The following SORD variants were observed in gnomAD, a reference collection of about 807,000 sequenced individuals.
SORD encodes the protein sorbitol dehydrogenase, also known as (R,R)-butanediol dehydrogenase.
SORD carries 18 observed loss-of-function variants against 35.6 expected under a neutral mutation model. That is an observed-to-expected ratio of 0.51 (90% confidence interval 0.35 to 0.75). The LOEUF is 0.75. SORD is among the 30% of genes least tolerant of loss of function. The pLI is 0.01. For synonymous variants in SORD, 106 were observed against 152.9 expected (o/e 0.69, Z 2.26); for missense variants, 250 against 390.2 (o/e 0.64, Z 3.03).
chr15:45,027,413 A>C (rs1341535070), intron 1 of SORD, among the ~76,000 whole-genome samples: 1 of 152,256 alleles, frequency 6.6e-6, no homozygotes, highest in African/African-American at 2.4e-5. Context: ...GGTAGTATTC[A>C]TCTTTGGTTG....
intron 4 of SORD, 138 bp from the exon 5 acceptor site, chr15:45,065,133 G>T: frequency 4.2e-6 from 3 of 709,688 alleles, no homozygotes; most frequent in Non-Finnish European, 7.3e-6. Context: ...AAATTGCTTA[G>T]CACATTGCTC....
chr15:45,061,629 A>G (rs1893309670), intron 4 of SORD, among the ~76,000 whole-genome samples: 1 of 151,924 alleles, frequency 6.6e-6, no homozygotes, highest in South Asian at 2.1e-4. Context: ...GCACTTTAGG[A>G]GGCCAAGGCC....
At chr15:45,062,524 T>C (rs1464561297) in intron 4 of SORD, among the ~76,000 whole-genome samples, 1 of 151,822 alleles carries the variant, frequency 6.6e-6, no homozygotes, top group East Asian at 1.9e-4. Flanking sequence ...CAGGTGCCAG[T>C]CACAGGAGCA....
intron 1 of SORD, among the ~76,000 whole-genome samples, chr15:45,025,986 AGAG>A (rs1892662071): frequency 6.6e-6 from 1 of 152,206 alleles, no homozygotes; most frequent in Non-Finnish European, 1.5e-5. Context: ...GAAGGAAAGA[AGAG>A]GAGGACATTA....
At chr15:45,025,797 A>G (rs73421320) in intron 1 of SORD, among the ~76,000 whole-genome samples, 2,851 of 152,152 alleles carry the variant, frequency 0.019, 56 homozygotes, top group South Asian at 0.087. Context: ...CACCCAGGAG[A>G]CATTTGGAAA....
chr15:45,031,520 C>T (rs1449855974), intron 1 of SORD, among the ~76,000 whole-genome samples: 2 of 152,286 alleles, frequency 1.3e-5, no homozygotes, highest in Non-Finnish European at 2.9e-5. Context: ...AGAGCTTCTA[C>T]AGGCTCTCGG....
At chr15:45,063,396 G>A (rs538622804) in intron 4 of SORD, among the ~76,000 whole-genome samples, 2 of 151,740 alleles carry the variant, frequency 1.3e-5, no homozygotes, top group African/African-American at 2.4e-5. Context: ...AAAGGTTGGG[G>A]CTGGGAAGAA....
At chr15:45,023,410 C>CCATAGT in intron 1 of SORD, 61 bp downstream of exon 1, 1 of 1,363,540 alleles carries the variant, frequency 7.3e-7, no homozygotes, top group Non-Finnish European at 9.7e-7. Flanking sequence ...CTGAGCCCAG[C>CCATAGT]CATAGTCCTG....
intron 3 of SORD, among the ~76,000 whole-genome samples, chr15:45,045,948 C>T (rs1893040525): frequency 6.6e-6 from 1 of 152,060 alleles, no homozygotes; most frequent in Non-Finnish European, 1.5e-5. Context: ...TTGCAGTGAG[C>T]CATGATTGCA....
At chr15:45,038,728 A>G (rs1254459441) in intron 1 of SORD, among the ~76,000 whole-genome samples, 3 of 152,234 alleles carry the variant, frequency 2.0e-5, no homozygotes, top group Non-Finnish European at 4.4e-5. Flanking sequence ...ATCACTAAGC[A>G]CAGTGATAGT....
At chr15:45,039,884 A>AT (rs1892938663) in intron 1 of SORD, among the ~76,000 whole-genome samples, 1 of 152,232 alleles carries the variant, frequency 6.6e-6, no homozygotes, top group African/African-American at 2.4e-5. Context: ...ATGTTTTTCC[A>AT]GGAAGGCAGG....
At chr15:45,071,658 A>C (rs1893515729) in intron 7 of SORD, among the ~76,000 whole-genome samples, 1 of 151,246 alleles carries the variant, frequency 6.6e-6, no homozygotes, top group Non-Finnish European at 1.5e-5. Flanking sequence ...CAAGCACAGC[A>C]CTCACAGGGA....
chr15:45,037,548 T>G (rs1230554919), intron 1 of SORD, among the ~76,000 whole-genome samples: 3 of 152,214 alleles, frequency 2.0e-5, no homozygotes, highest in Non-Finnish European at 4.4e-5. Flanking sequence ...CTCTCCCATG[T>G]TTGAAATAAA....
intron 2 of SORD, 114 bp downstream of exon 2, chr15:45,040,555 C>T: frequency 1.2e-6 from 1 of 808,250 alleles, no homozygotes; most frequent in Non-Finnish European, 2.1e-6. Context: ...CTTTTGCATC[C>T]ATTAAAAACC....
At chr15:45,038,013 C>A (rs1380823650) in intron 1 of SORD, among the ~76,000 whole-genome samples, 2 of 151,968 alleles carry the variant, frequency 1.3e-5, no homozygotes, top group African/African-American at 4.8e-5. Context: ...CTTTACACAG[C>A]GGTCCCTGAT....
chr15:45,023,856 G>A (rs1220101707), intron 1 of SORD, among the ~76,000 whole-genome samples: 1 of 152,176 alleles, frequency 6.6e-6, no homozygotes, highest in Non-Finnish European at 1.5e-5. Flanking sequence ...CTTAGTACGT[G>A]CTCAGGAAGT....
chr15:45,067,922 A>C (rs1347880800), intron 5 of SORD, among the ~76,000 whole-genome samples: 1 of 152,194 alleles, frequency 6.6e-6, no homozygotes. Context: ...GCCCAGGAGT[A>C]AGTAGGAAAA....
intron 1 of SORD, among the ~76,000 whole-genome samples, chr15:45,030,181 C>G (rs961358205): frequency 6.6e-6 from 1 of 152,182 alleles, no homozygotes; most frequent in African/African-American, 2.4e-5. Flanking sequence ...GGGTACCCAC[C>G]CCTATCTGCC....
At chr15:45,038,702 A>G (rs1203249699) in intron 1 of SORD, among the ~76,000 whole-genome samples, 1 of 152,194 alleles carries the variant, frequency 6.6e-6, no homozygotes, top group African/African-American at 2.4e-5. Flanking sequence ...TTGTTAGGAA[A>G]AGTAAAAAGC....
Sources: gnomAD v4.1 joint callset for allele counts (sites outside exome capture counted in the v4.1 genomes callset) on GRCh38, gnomAD v4.1.1 for gene constraint, MANE v1.5 for transcripts, NCBI Gene and HGNC (gene_info 2026-07-23, HGNC 2026-07-21) for gene names.